Variants in PEMT observed in about 807,000 individuals in gnomAD.
PEMT encodes phospholipid methyltransferase.
In PEMT, 23 loss-of-function variants were observed where a neutral mutation model predicts 27.4. That is an observed-to-expected ratio of 0.84 (90% confidence interval 0.60 to 1.19). The LOEUF is 1.19. Ranked by LOEUF, PEMT falls within the 50% of genes most tolerant of loss-of-function variation. The pLI is 0.00. For synonymous variants in PEMT, 137 were observed against 139.1 expected (o/e 0.98, Z 0.11); for missense variants, 307 against 310.1 (o/e 0.99, Z 0.07).
intron 2 of PEMT, among the ~76,000 whole-genome samples, chr17:17,574,617 G>A (rs903947789): frequency 6.6e-5 from 10 of 152,154 alleles, no homozygotes; most frequent in South Asian, 2.1e-4. Context: ...CACCGCGCCC[G>A]GCCAAATCTT....
At chr17:17,586,089 A>T (rs1217571555) in intron 1 of PEMT, among the ~76,000 whole-genome samples, 3 of 151,270 alleles carry the variant, frequency 2.0e-5, no homozygotes, top group Non-Finnish European at 4.4e-5. Flanking sequence ...TCTCAAAAAA[A>T]AAAAAAAAAT....
chr17:17,560,755 C>T (rs1431903388), intron 2 of PEMT, among the ~76,000 whole-genome samples: 1 of 152,084 alleles, frequency 6.6e-6, no homozygotes, highest in Non-Finnish European at 1.5e-5. Flanking sequence ...CGCGTCCACA[C>T]CAGCTGCATG....
At chr17:17,575,468 T>C (rs1911517933) in intron 2 of PEMT, among the ~76,000 whole-genome samples, 1 of 152,124 alleles carries the variant, frequency 6.6e-6, no homozygotes, top group South Asian at 2.1e-4. Context: ...CTTCACCACC[T>C]CATATCTCTG....
At chr17:17,517,543 G>A (rs1162670266) in intron 3 of PEMT, among the ~76,000 whole-genome samples, 1 of 152,252 alleles carries the variant, frequency 6.6e-6, no homozygotes, top group Non-Finnish European at 1.5e-5. Flanking sequence ...TGGGTGGGAT[G>A]CAGCAGTGAC....
intron 2 of PEMT, among the ~76,000 whole-genome samples, chr17:17,537,274 G>C (rs537481991): frequency 6.6e-6 from 1 of 152,264 alleles, no homozygotes; most frequent in East Asian, 1.9e-4. Flanking sequence ...CTGCTCCTGT[G>C]AGGAGGACCC....
intron 2 of PEMT, among the ~76,000 whole-genome samples, chr17:17,555,516 G>A (rs934224801): frequency 6.6e-6 from 1 of 152,182 alleles, no homozygotes; most frequent in African/African-American, 2.4e-5. Context: ...CACAGAAGAG[G>A]GTGGGGGTGC....
At chr17:17,563,979 A>G (rs967303796) in intron 2 of PEMT, among the ~76,000 whole-genome samples, 4 of 152,110 alleles carry the variant, frequency 2.6e-5, no homozygotes, top group African/African-American at 9.7e-5. Context: ...GGCAGCTTTA[A>G]TTCTCTAGAG....
At chr17:17,553,577 G>A (rs890503454) in intron 2 of PEMT, among the ~76,000 whole-genome samples, 1 of 152,174 alleles carries the variant, frequency 6.6e-6, no homozygotes, top group Non-Finnish European at 1.5e-5. Flanking sequence ...AGCCCACAGT[G>A]GCTCACAAGC....
intron 2 of PEMT, among the ~76,000 whole-genome samples, chr17:17,529,502 A>C (rs1907937615): frequency 6.6e-6 from 1 of 152,196 alleles, no homozygotes; most frequent in Admixed American, 6.5e-5. Flanking sequence ...CAGTGAATCA[A>C]TCCCTGTCCA....
At chr17:17,580,080 GA>G (rs1911887007) in intron 1 of PEMT, among the ~76,000 whole-genome samples, 1 of 152,178 alleles carries the variant, frequency 6.6e-6, no homozygotes, top group Admixed American at 6.5e-5. Flanking sequence ...GTCCTGCCCT[GA>G]AGGGAGGGGA....
At chr17:17,583,846 T>C (rs1912102265) in intron 1 of PEMT, among the ~76,000 whole-genome samples, 1 of 152,162 alleles carries the variant, frequency 6.6e-6, no homozygotes, top group Non-Finnish European at 1.5e-5. Flanking sequence ...AACCACCTCA[T>C]GGCAGGAGGG....
At chr17:17,589,533 C>A (rs1912490455) in intron 1 of PEMT, among the ~76,000 whole-genome samples, 1 of 152,156 alleles carries the variant, frequency 6.6e-6, no homozygotes, top group Non-Finnish European at 1.5e-5. Flanking sequence ...ACTAATTTAA[C>A]ATGGCTACTA....
At chr17:17,576,327 G>T (rs1911585067) in intron 2 of PEMT, among the ~76,000 whole-genome samples, 1 of 152,186 alleles carries the variant, frequency 6.6e-6, no homozygotes, top group Non-Finnish European at 1.5e-5. Context: ...TGGTGCCCGG[G>T]CACCCAAACA....
chr17:17,546,603 G>T (rs11651280), intron 2 of PEMT, among the ~76,000 whole-genome samples: 6,964 of 152,278 alleles, frequency 0.046, 201 homozygotes, highest in Non-Finnish European at 0.06. Flanking sequence ...GAGTGGCCTG[G>T]CCACCTGCCA....
intron 1 of PEMT, among the ~76,000 whole-genome samples, chr17:17,586,289 A>AAAGAAAGAAAGG (rs1491465188): frequency 3.1e-5 from 2 of 63,516 alleles, no homozygotes; most frequent in Admixed American, 1.5e-4. Flanking sequence ...AGAAAGAAAG[A>AAAGAAAGAAAGG]AAAAAAAAAA....
chr17:17,521,387 C>T (rs990095910), intron 3 of PEMT, among the ~76,000 whole-genome samples: 9 of 152,308 alleles, frequency 5.9e-5, no homozygotes, highest in African/African-American at 2.2e-4. Context: ...CGCCTGCAGC[C>T]ATCACATTCC....
At chr17:17,585,755 A>C (rs866241560) in intron 1 of PEMT, among the ~76,000 whole-genome samples, 3 of 152,208 alleles carry the variant, frequency 2.0e-5, no homozygotes, top group Middle Eastern at 6.8e-3. Flanking sequence ...ATTAGTTTTT[A>C]AAATCAGTAC....
In PEMT at chr17:17,547,005, C is replaced by T. The variant is rs145914375; in HGVS notation, c.205-24610G>A. 9.5e-4 allele frequency among the ~76,000 whole-genome samples: 144 copies of T among 152,360 alleles called. No homozygotes were observed. The East Asian group carries it at 0.022, about 23-fold the overall frequency. On this transcript the variant is annotated intron_variant, in intron 2 of 6. Coordinates refer to ENST00000255389, the MANE Select transcript of PEMT (RefSeq NM_148172.3). The stretch of plus-strand genomic sequence containing the variant: ...AAGAGCTCCAGGGGGCCTGCGCCCC[C>T]GAAGAGCTGGGCTGCCCACTGGTCT...
chr17:17,580,778 C>T (rs1418904902), intron 1 of PEMT, among the ~76,000 whole-genome samples: 1 of 152,148 alleles, frequency 6.6e-6, no homozygotes, highest in Non-Finnish European at 1.5e-5. Flanking sequence ...CCTCCCGTGG[C>T]CCATCTGTTA....
Sources: gnomAD v4.1 joint callset for allele counts (sites outside exome capture counted in the v4.1 genomes callset) on GRCh38, gnomAD v4.1.1 for gene constraint, MANE v1.5 for transcripts, NCBI Gene and HGNC (gene_info 2026-07-23, HGNC 2026-07-21) for gene names.